FBN1: variants seen among roughly 807,000 people sequenced by gnomAD.
The protein encoded by FBN1 is fibrillin 1, also known as fibrillin-1.
Under a neutral mutation model 365.1 loss-of-function variants are expected in FBN1, and 29 were observed. That is an observed-to-expected ratio of 0.08 (90% confidence interval 0.06 to 0.11). The LOEUF is 0.11. Ranked by LOEUF, FBN1 falls within the 10% of genes least tolerant of loss-of-function variation. The pLI, the probability that FBN1 is intolerant of heterozygous loss-of-function variation, is 1.00. For missense variants in FBN1, 2,476 were observed against 3,703.2 expected (o/e 0.67, Z 8.60); for synonymous variants, 1,210 against 1,270.5 (o/e 0.95, Z 1.01).
chr15:48,563,691 T>C (rs1225704727), intron 6 of FBN1, among the ~76,000 whole-genome samples: 1 of 152,184 alleles, frequency 6.6e-6, no homozygotes, highest in Non-Finnish European at 1.5e-5. Flanking sequence ...TATCACTCTG[T>C]TATTTGACAC....
chr15:48,617,831 C>G (rs575904135), intron 2 of FBN1, among the ~76,000 whole-genome samples: 1 of 152,218 alleles, frequency 6.6e-6, no homozygotes, highest in Non-Finnish European at 1.5e-5. Flanking sequence ...TGTCCACATT[C>G]CTTAGCCAAA....
chr15:48,622,278 A>G (rs1889784000), intron 2 of FBN1, among the ~76,000 whole-genome samples: 1 of 152,224 alleles, frequency 6.6e-6, no homozygotes, highest in African/African-American at 2.4e-5. Context: ...AGGCACATAC[A>G]CAAAGATTAT....
rs565621457 is a variant in FBN1, at chr15:48,482,447, T to G, written c.3839-667A>C. On this transcript the variant is annotated intron_variant, in intron 31 of 65. Coordinates refer to ENST00000316623, the MANE Select transcript of FBN1 (RefSeq NM_000138.5). ...AAGTGGTTTTCTAGACATTGGACATTAGGCAACAAAAGACAGTGATCCCTG... is the reference window on the plus strand; with the variant it reads ...AAGTGGTTTTCTAGACATTGGACATGAGGCAACAAAAGACAGTGATCCCTG... Among the ~76,000 whole-genome samples, 6 of 152,232 alleles carry G rather than the reference T, an allele frequency of 3.9e-5. No homozygotes were observed. In the South Asian group the frequency reaches 1.2e-3, roughly 32 times the overall value.
rs1290563746 is a variant in FBN1 at position 48,537,730 on chromosome 15, T to G, written c.617A>C (p.Lys206Thr). Residue 206 changes from lysine (K) to threonine (T), a missense_variant, in exon 7 of 66, where the codon AAA becomes ACA. By Grantham distance (78) the Lys-to-Thr change is moderately conservative (BLOSUM62 -1). Around this residue, in one of 5 missense-constraint regions of FBN1, gnomAD observed 421 missense variants for 520.1 expected, o/e 0.81. Transcript: ENST00000316623. The stretch of plus-strand genomic sequence containing the variant: ...GCCGACTGTGGCACAGCAGAGCGTT[T>G]TTGTGCAGACAATCCCGCTGAGTTG... ...QGQLSGIVCT[K>T]TLCCATVGRA... 1 of 1,614,240 alleles carries G rather than the reference T, an allele frequency of 6.2e-7. No individual in the cohort carries two copies. Among genetic ancestry groups the G allele is most frequent in the Non-Finnish European group, 8.5e-7 (1 of 1,180,034 alleles).
At position 48,529,521 on chromosome 15, in the gene FBN1, A is replaced by C. The variant is rs557643555; in HGVS notation, c.863-3266T>G. 10 of 152,408 alleles carry C rather than the reference A, an allele frequency of 6.6e-5. No individual in the cohort carries two copies. The East Asian group carries it at 1.7e-3, about 26-fold the overall frequency. 9.4% of individuals were successfully genotyped at this position (152,408 alleles called of 1,614,324 possible). A position where few individuals can be genotyped will look rare whatever the true frequency, so the allele number is the denominator to read the frequency against. ...TGTCTGTTCTGGGACAGGCATCACC[A>C]TCTATTACTTGGCTATCTAGAAGCT... On this transcript the variant is annotated intron_variant, in intron 8 of 65. Coordinates refer to ENST00000316623, the MANE Select transcript of FBN1 (RefSeq NM_000138.5).
chr15:48,585,544 T>A (rs1160890928), intron 6 of FBN1, among the ~76,000 whole-genome samples: 2 of 152,228 alleles, frequency 1.3e-5, no homozygotes, highest in African/African-American at 4.8e-5. Context: ...AACAGATGTA[T>A]TTAACATTTA....
chr15:48,482,219 TAAAA>T (rs2043470774), intron 31 of FBN1, among the ~76,000 whole-genome samples: 1 of 152,224 alleles, frequency 6.6e-6, no homozygotes, highest in Non-Finnish European at 1.5e-5. Flanking sequence ...TTTTCCAAAT[TAAAA>T]ATTATTCATT....
At chr15:48,532,105 C>T (rs2043978028) in intron 8 of FBN1, among the ~76,000 whole-genome samples, 1 of 152,190 alleles carries the variant, frequency 6.6e-6, no homozygotes, top group African/African-American at 2.4e-5. Context: ...ATTTTTCTTT[C>T]AGTCTGAGCA....
chr15:48,440,375 GA>G (rs1171595799), intron 50 of FBN1, among the ~76,000 whole-genome samples: 1 of 152,162 alleles, frequency 6.6e-6, no homozygotes, highest in Non-Finnish European at 1.5e-5. Context: ...AATAGCCTAG[GA>G]GTTTCCTCTG....
intron 6 of FBN1, among the ~76,000 whole-genome samples, chr15:48,578,407 C>T (rs972608232): frequency 6.6e-5 from 10 of 152,124 alleles, no homozygotes; most frequent in East Asian, 3.9e-4. Flanking sequence ...TGTGGTTTGA[C>T]GTATCCTTTG....
At chr15:48,471,886 T>C (rs2043379441) in intron 35 of FBN1, among the ~76,000 whole-genome samples, 1 of 152,224 alleles carries the variant, frequency 6.6e-6, no homozygotes, top group Non-Finnish European at 1.5e-5. Context: ...GATCCAGCCT[T>C]AGCTAACAGG....
At chr15:48,603,909 C>T (rs2140724239) in intron 4 of FBN1, among the ~76,000 whole-genome samples, 1 of 152,262 alleles carries the variant, frequency 6.6e-6, no homozygotes, top group South Asian at 2.1e-4. Flanking sequence ...TAACCCAGAG[C>T]TAACAGAAAA....
At chr15:48,428,141 T>C (rs1566893637) in intron 57 of FBN1, 1 of 687,956 alleles carries the variant, frequency 1.5e-6, no homozygotes, top group African/African-American at 1.8e-5. Flanking sequence ...TGATTCAGGA[T>C]CCAATTAGCA....
intron 10 of FBN1, among the ~76,000 whole-genome samples, chr15:48,519,124 T>G (rs1376787096): frequency 6.6e-6 from 1 of 152,222 alleles, no homozygotes; most frequent in Non-Finnish European, 1.5e-5. Context: ...AAAGCCATTC[T>G]CCTGGTACCT....
chr15:48,572,609 T>A (rs547659188), intron 6 of FBN1, among the ~76,000 whole-genome samples: 58 of 151,850 alleles, frequency 3.8e-4, no homozygotes, highest in African/African-American at 1.1e-3. Context: ...ACGGCATTTT[T>A]AAAAAAATCT....
chr15:48,616,613 T>G (rs1025366990), intron 2 of FBN1, among the ~76,000 whole-genome samples: 4 of 152,194 alleles, frequency 2.6e-5, no homozygotes, highest in Admixed American at 2.0e-4. Context: ...ACAAAATGCT[T>G]GTACAAGGAA....
chr15:48,422,806 A>G (rs2042953485), intron 60 of FBN1, among the ~76,000 whole-genome samples: 1 of 152,162 alleles, frequency 6.6e-6, no homozygotes, highest in Non-Finnish European at 1.5e-5. Context: ...TGAATATACA[A>G]AAATTAGCTG....
chr15:48,456,865 T>TGTGTGTGTGTGC, intron 43 of FBN1, 103 bp from the exon 44 acceptor site: 1 of 1,121,746 alleles, frequency 8.9e-7, no homozygotes, highest in South Asian at 1.2e-5. Context: ...TGTGTGTGTG[T>TGTGTGTGTGTGC]GTGTGTGCGT....
chr15:48,582,294 T>C (rs950012287), intron 6 of FBN1, among the ~76,000 whole-genome samples: 5 of 152,194 alleles, frequency 3.3e-5, no homozygotes, highest in African/African-American at 7.2e-5. Flanking sequence ...AGAACAGAAA[T>C]AGTCTCTCCC....
Sources: gnomAD v4.1 joint callset for allele counts (sites outside exome capture counted in the v4.1 genomes callset) on GRCh38, gnomAD v4.1.1 for gene constraint, gnomAD v4.1.1 regional missense constraint, MANE v1.5 for transcripts, NCBI Gene and HGNC (gene_info 2026-07-23, HGNC 2026-07-21) for gene names.